The following NSG1 variants were observed in gnomAD, a reference collection of about 807,000 sequenced individuals.
The protein encoded by NSG1 is neuronal vesicle trafficking-associated protein 1.
In NSG1, 9 loss-of-function variants were observed where a neutral mutation model predicts 19.3. The ratio of observed to expected loss-of-function variants is 0.47; its 90% CI spans 0.28 to 0.81. The LOEUF (loss-of-function observed/expected upper bound fraction) is 0.81, where lower values mean the gene tolerates loss of function less well. Among genes scored for constraint, NSG1 ranks in the 40% least tolerant of loss-of-function variants. NSG1 has a pLI of 0.11. For missense variants in NSG1, 236 were observed against 242.4 expected (o/e 0.97, Z 0.18); for synonymous variants, 104 against 107.0 (o/e 0.97, Z 0.17).
intron 3 of NSG1, among the ~76,000 whole-genome samples, chr4:4,396,047 C>T (rs1329338283): frequency 6.6e-6 from 1 of 152,206 alleles, no homozygotes; most frequent in Admixed American, 6.5e-5. Flanking sequence ...AGGACTCCCC[C>T]AGCGGCGGCC....
chr4:4,390,875 G>A (rs1722953597), intron 2 of NSG1, among the ~76,000 whole-genome samples: 1 of 151,952 alleles, frequency 6.6e-6, no homozygotes. Flanking sequence ...CTGCTTCACA[G>A]TAGGGGGTGG....
intron 4 of NSG1, among the ~76,000 whole-genome samples, 162 bp downstream of exon 4, chr4:4,409,845 T>G (rs1724075652): frequency 6.6e-6 from 1 of 152,150 alleles, no homozygotes; most frequent in Non-Finnish European, 1.5e-5. Context: ...AAGGCCCACC[T>G]GGAGAGCAGG....
chr4:4,405,419 G>A (rs1378656743), intron 3 of NSG1, among the ~76,000 whole-genome samples: 2 of 152,180 alleles, frequency 1.3e-5, no homozygotes, highest in Non-Finnish European at 2.9e-5. Context: ...GGGGCCCAGC[G>A]TGCTCTCAAC....
At chr4:4,411,596 T>C (rs1448617073) in intron 4 of NSG1, among the ~76,000 whole-genome samples, 3 of 152,066 alleles carry the variant, frequency 2.0e-5, no homozygotes, top group African/African-American at 7.2e-5. Flanking sequence ...ATACAAAAAT[T>C]AGCCAGGCAT....
rs749132747 is a variant in NSG1, at chr4:4,391,570, G to C, written c.225G>C (p.Glu75Asp). The change falls in exon 3 of 5, where the codon GAG (glutamate) becomes GAC (aspartate). Residue 75 changes from glutamate (E) to aspartate (D), a missense_variant. Physicochemically the swap from Glu to Asp is conservative, Grantham distance 45. Coordinates refer to ENST00000621129, the MANE Select transcript of NSG1 (RefSeq NM_014392.5). ...QIAEFTVSIT[E>D]GVTERFKVSV... ...CTGAGTTCACCGTCAGCATCACGGA[G>C]GGTGTCACCGAGAGGTTTAAGGTGA... 6.2e-7 allele frequency: 1 copy of C among 1,611,630 alleles called. No individual in the cohort carries two copies. Among genetic ancestry groups the C allele is most frequent in the South Asian group, 1.1e-5 (1 of 90,942 alleles).
chr4:4,406,901 T>C (rs1466657632), intron 3 of NSG1, among the ~76,000 whole-genome samples: 1 of 152,332 alleles, frequency 6.6e-6, no homozygotes, highest in East Asian at 1.9e-4. Flanking sequence ...TGCCACTGCC[T>C]CTGGCTGCCA....
intron 3 of NSG1, among the ~76,000 whole-genome samples, chr4:4,393,181 A>T (rs1723085560): frequency 6.6e-6 from 1 of 152,098 alleles, no homozygotes; most frequent in Non-Finnish European, 1.5e-5. Context: ...CTCAGGCCCC[A>T]CTTGCCCTTT....
intron 3 of NSG1, among the ~76,000 whole-genome samples, chr4:4,399,973 G>A (rs1723462848): frequency 6.6e-6 from 1 of 152,228 alleles, no homozygotes; most frequent in South Asian, 2.1e-4. Flanking sequence ...CTGCTGTGCA[G>A]ACCAGTTCCT....
chr4:4,412,951 C>A (rs925272119), intron 4 of NSG1, among the ~76,000 whole-genome samples: 2 of 152,158 alleles, frequency 1.3e-5, no homozygotes, highest in Non-Finnish European at 2.9e-5. Flanking sequence ...AGAGTCCTTA[C>A]GCGATTAGCA....
chr4:4,416,684 C>T (rs1164439441), intron 4 of NSG1, among the ~76,000 whole-genome samples: 2 of 151,912 alleles, frequency 1.3e-5, no homozygotes, highest in Non-Finnish European at 2.9e-5. Flanking sequence ...CCCCTCCCTA[C>T]CCCCTCGCCA....
At chr4:4,401,273 T>C (rs1418246108) in intron 3 of NSG1, among the ~76,000 whole-genome samples, 1 of 152,234 alleles carries the variant, frequency 6.6e-6, no homozygotes, top group African/African-American at 2.4e-5. Context: ...TGACTGCTTG[T>C]GCTGTGAGAA....
intron 3 of NSG1, among the ~76,000 whole-genome samples, chr4:4,394,214 G>A (rs1465080892): frequency 1.3e-5 from 2 of 152,148 alleles, no homozygotes; most frequent in East Asian, 1.9e-4. Context: ...AGGCGCCATC[G>A]CTGTTGAGCC....
At chr4:4,411,766 A>ACACAACACAACACAACACAAC (rs1560147679) in intron 4 of NSG1, among the ~76,000 whole-genome samples, 25 of 112,194 alleles carry the variant, frequency 2.2e-4, no homozygotes, top group African/African-American at 1.5e-3. Context: ...AACAAAACAA[A>ACACAACACAACACAACACAAC]ACAAAACAAA....
At chr4:4,407,673 C>G (rs1451214766) in intron 3 of NSG1, among the ~76,000 whole-genome samples, 2 of 152,052 alleles carry the variant, frequency 1.3e-5, no homozygotes, top group Non-Finnish European at 2.9e-5. Context: ...ATGAAGACCT[C>G]CGGGAAGTGG....
intron 1 of NSG1, 43 bp from the exon 2 acceptor site, chr4:4,387,561 C>CGGGGGGGGGTGGGGG: frequency 1.8e-6 from 2 of 1,141,990 alleles, no homozygotes; most frequent in Non-Finnish European, 2.5e-6. Flanking sequence ...CGCCCCGCCC[C>CGGGGGGGGGTGGGGG]GGGTCTTGCT....
chr4:4,387,561 C>CCGGGGGGGGGGGTGG, intron 1 of NSG1, 43 bp from the exon 2 acceptor site: 2 of 1,141,992 alleles, frequency 1.8e-6, no homozygotes, highest in Non-Finnish European at 2.5e-6. Context: ...CGCCCCGCCC[C>CCGGGGGGGGGGGTGG]GGGTCTTGCT....
At chr4:4,392,294 G>C (rs1723035482) in intron 3 of NSG1, among the ~76,000 whole-genome samples, 1 of 152,118 alleles carries the variant, frequency 6.6e-6, no homozygotes, top group African/African-American at 2.4e-5. Context: ...TTGGGATATT[G>C]ATCAGGAAAC....
intron 3 of NSG1, among the ~76,000 whole-genome samples, chr4:4,394,454 G>T (rs1166043159): frequency 2.0e-5 from 3 of 152,106 alleles, no homozygotes; most frequent in African/African-American, 7.2e-5. Flanking sequence ...TTGAGGGTCT[G>T]GGTTGGGCTG....
chr4:4,396,254 TC>T (rs965159593), intron 3 of NSG1, among the ~76,000 whole-genome samples: 1 of 152,130 alleles, frequency 6.6e-6, no homozygotes, highest in African/African-American at 2.4e-5. Context: ...CAGTTCTCCT[TC>T]CGGTCTGGAG....
Sources: allele counts gnomAD v4.1 joint callset (sites outside exome capture counted in the v4.1 genomes callset), GRCh38; gene constraint gnomAD v4.1.1; transcripts MANE v1.5; gene names NCBI Gene and HGNC (gene_info 2026-07-23, HGNC 2026-07-21).